ZDHHC23: variants seen among roughly 807,000 people sequenced by gnomAD.
The protein encoded by ZDHHC23 is zDHHC palmitoyltransferase 23, also known as palmitoyltransferase ZDHHC23.
A neutral mutation model predicts 40.2 loss-of-function variants in ZDHHC23; 41 were observed. The observed-to-expected ratio is 1.02, with a 90% CI of 0.79 to 1.32. ZDHHC23 has a LOEUF of 1.32. Among genes scored for constraint, ZDHHC23 ranks in the 40% most tolerant of loss-of-function variants. The probability of loss-of-function intolerance (pLI) is 0.00; values close to 1 mark genes in which losing one functional copy is unlikely to be tolerated. For synonymous variants in ZDHHC23, 204 were observed against 210.2 expected (o/e 0.97, Z 0.26); for missense variants, 471 against 541.5 (o/e 0.87, Z 1.29).
intron 2 of ZDHHC23, among the ~76,000 whole-genome samples, chr3:113,951,969 C>T (rs1938712014): frequency 6.6e-6 from 1 of 152,112 alleles, no homozygotes; most frequent in African/African-American, 2.4e-5. Flanking sequence ...GAAACCCCGT[C>T]TCTACTAAAA....
At chr3:113,965,363 T>C (rs377718669), downstream of ZDHHC23, 59 of 1,546,410 alleles carry the variant, frequency 3.8e-5, no homozygotes, top group Non-Finnish European at 5.0e-5. Context: ...GATCCTCCTT[T>C]AAGAATAAAG....
rs762376186 is a variant in ZDHHC23 at position 113,953,801 on chromosome 3, T to C, written c.263T>C (p.Val88Ala). 6.2e-7 allele frequency: 1 copy of C among 1,614,216 alleles called. No homozygotes were observed. The highest frequency in any genetic ancestry group is 1.1e-5 in the South Asian group (1 of 91,086). ...CCTTGGCTTAGGGGAGCCAAAAAAG[T>C]GAACATCAGCATCATCCCTCCGCTT... The part of the protein sequence containing the change: ...RIPWLRGAKK[V>A]NISIIPPLVL... The change falls in exon 3 of 5, where the codon GTG (valine) becomes GCG (alanine). Residue 88 changes from valine to alanine, a missense_variant. Physicochemically the swap from Val to Ala is moderately conservative, Grantham distance 64. Transcript: ENST00000638807.
At position 113,957,923 on chromosome 3, in the gene ZDHHC23, T is replaced by C. The variant is rs148245576; in HGVS notation, c.1041-440T>C. 2.5e-3 allele frequency: 1,135 copies of C among 462,012 alleles called. 11 individuals carry two copies. The highest frequency in any genetic ancestry group is 0.02 in the African/African-American group (992 of 49,732). 28.6% of individuals were successfully genotyped at this position (462,012 alleles called of 1,614,324 possible). On this transcript the variant is annotated intron_variant, in intron 4 of 4. Coordinates refer to ENST00000638807, the MANE Select transcript of ZDHHC23 (RefSeq NM_001320466.2). ...TTCCTCAGCATTGGACTGGAAAGAA[T>C]GGAGATTAGTAACTTTAGCACTGTT...
the ZDHHC23 span, among the ~76,000 whole-genome samples, chr3:113,975,556 A>G: frequency 1.3e-5 from 2 of 152,222 alleles, no homozygotes; most frequent in African/African-American, 4.8e-5. Flanking sequence ...GAACACAGTA[A>G]TGAGCAAGAT....
chr3:113,957,709 C>T (rs549833847), intron 4 of ZDHHC23: 27 of 517,218 alleles, frequency 5.2e-5, no homozygotes, highest in Non-Finnish European at 4.2e-5. Flanking sequence ...TCTTAATTTG[C>T]GAATGTTGGA....
rs942540318 is a variant in ZDHHC23, at chr3:113,959,946, G to C, written c.*1316G>C. 2.6e-5 allele frequency: 26 copies of C among 994,698 alleles called. No homozygotes were observed. Among genetic ancestry groups the C allele is most frequent in the Non-Finnish European group, 3.1e-5 (26 of 833,080 alleles). The allele number at this position is 994,698 out of a possible 1,614,324, so 61.6% of individuals were successfully genotyped here. ...AAAGATTAAATATTTATGTACAATG[G>C]GTTGTTCTACTATAGAATTAAGATG... is the stretch of plus-strand genomic sequence containing the variant. On this transcript the variant is annotated 3_prime_UTR_variant, in exon 5 of 5. Transcript: ENST00000638807.
intron 4 of ZDHHC23, chr3:113,957,600 G>A (rs1455145191): frequency 2.3e-6 from 1 of 438,074 alleles, no homozygotes; most frequent in Non-Finnish European, 4.6e-6. Context: ...GCGATTCACA[G>A]CACCTCATCT....
chr3:113,964,826 A>C (rs1251455551), downstream of ZDHHC23: 2 of 165,836 alleles, frequency 1.2e-5, no homozygotes, highest in Non-Finnish European at 2.6e-5. Flanking sequence ...CTGTCGTGCT[A>C]TACGGACACA....
rs757239182 is a variant in ZDHHC23, at chr3:113,953,873, TG to T, written c.340del (p.Val114TrpfsTer4). 14 of 1,614,038 alleles carry T rather than the reference TG, an allele frequency of 8.7e-6. No individual in the cohort carries two copies. The highest frequency in any genetic ancestry group is 1.3e-5 in the African/African-American group (1 of 74,922). On this transcript the variant is annotated frameshift_variant, in exon 3 of 5. Coordinates refer to ENST00000638807, the MANE Select transcript of ZDHHC23 (RefSeq NM_001320466.2). LOFTEE classifies it high-confidence loss of function. ...CATGTGGCTTCCTGGCATTTCCTCC[TG>T]GGGGTGGTGGTTTTGACCTCCCTTC... ...FLHVASWHFL[L>X]GVVVLTSLPV...
intron 3 of ZDHHC23, among the ~76,000 whole-genome samples, chr3:113,955,260 A>G (rs1008829833): frequency 3.9e-5 from 6 of 152,132 alleles, no homozygotes; most frequent in African/African-American, 1.5e-4. Flanking sequence ...CCTCAAGTGC[A>G]TGGCTCAAGT....
Position 113,954,263 on chromosome 3 carries a change from C to A in ZDHHC23, c.725C>A (p.Pro242His). Residue 242 changes from proline (P) to histidine (H), a missense_variant, in exon 3 of 5, where the codon CCC becomes CAC. Pro to His is a moderately conservative substitution (Grantham distance 77, BLOSUM62 -2). This residue lies in a region of ZDHHC23 where 346 missense variants were observed against 399.8 expected (regional missense o/e 0.87). Coordinates refer to ENST00000638807, the MANE Select transcript of ZDHHC23 (RefSeq NM_001320466.2). ...SLNNRTTKDDPKGSSKMPAGS... is the reference protein window; with the variant it reads ...SLNNRTTKDDHKGSSKMPAGS... ...AACAATCGCACAACAAAGGATGACC[C>A]CAAGGGCTCTTCCAAGATGCCAGCT... 1.2e-6 allele frequency: 2 copies of A among 1,614,106 alleles called. No individual in the cohort carries two copies. The highest frequency in any genetic ancestry group is 1.7e-6 in the Non-Finnish European group (2 of 1,179,996).
At position 113,955,359 on chromosome 3, in the gene ZDHHC23, C is replaced by CGTGT. The variant is rs68123933; in HGVS notation, c.873-950_873-947dup. Among the ~76,000 whole-genome samples, 507 of 147,510 alleles carry CGTGT rather than the reference C, an allele frequency of 3.4e-3. 4 individuals carry two copies. The highest frequency in any genetic ancestry group is 0.01 in the Middle Eastern group (3 of 290). ...TTCTACTTCTGTGTCTTCACTTATT[C>CGTGT]GTGTGTGTGTGTGTGTGTGTGTGTG... is the stretch of plus-strand genomic sequence containing the variant. On this transcript the variant is annotated intron_variant, in intron 3 of 4. Coordinates refer to ENST00000638807, the MANE Select transcript of ZDHHC23 (RefSeq NM_001320466.2).
chr3:113,965,070 T>G (rs963663133), downstream of ZDHHC23: 18 of 670,526 alleles, frequency 2.7e-5, no homozygotes, highest in Non-Finnish European at 4.4e-5. Context: ...AAACCAGGTG[T>G]ATGTATGTAT....
In ZDHHC23 at chr3:113,956,473, T is replaced by C. The variant is rs760051161; in HGVS notation, c.1007T>C (p.Leu336Pro). 8.7e-6 allele frequency: 14 copies of C among 1,614,092 alleles called. No homozygotes were observed. Among genetic ancestry groups the C allele is most frequent in the Admixed American group, 1.7e-5 (1 of 60,004 alleles). Reference protein sequence around the residue: ...ICRDRSVFTALFYCPGVYANY... With the variant: ...ICRDRSVFTAPFYCPGVYANY... ...AGAGACAGAAGTGTCTTCACAGCTCTTTTCTATTGTCCTGGAGTTTATGCA... is the reference window on the plus strand; with the variant it reads ...AGAGACAGAAGTGTCTTCACAGCTCCTTTCTATTGTCCTGGAGTTTATGCA... Residue 336 changes from leucine (L) to proline (P), a missense_variant, in exon 4 of 5, where the codon CTT becomes CCT. Physicochemically the swap from Leu to Pro is moderately conservative, Grantham distance 98. Transcript: ENST00000638807.
chr3:113,974,302 G>A, the ZDHHC23 span, among the ~76,000 whole-genome samples: 1 of 150,886 alleles, frequency 6.6e-6, no homozygotes, highest in African/African-American at 2.4e-5. Context: ...GGAAGGTCAT[G>A]GTTCCCCATT....
rs1308120197 is a variant in ZDHHC23 at position 113,948,941 on chromosome 3, G to T, written c.139G>T (p.Asp47Tyr). 6.2e-7 allele frequency: 1 copy of T among 1,614,212 alleles called. No individual in the cohort carries two copies. The highest frequency in any genetic ancestry group is 2.2e-5 in the East Asian group (1 of 44,886). ...HVATCLCDCQ[D>Y]LDEGCDRWIT... ...GGCTACTTGTTTGTGTGATTGTCAA[G>T]ATCTGGATGAAGGGTGTGATCGGTA... The change falls in exon 2 of 5, where the codon GAT becomes TAT. Residue 47 changes from aspartate (D) to tyrosine (Y), a missense_variant. Around this residue, in one of 3 missense-constraint regions of ZDHHC23, gnomAD observed 83 missense variants for 67.8 expected, o/e 1.22. Transcript: ENST00000638807.
At chr3:113,956,616 G>C in intron 4 of ZDHHC23, 110 bp downstream of exon 4, 4 of 1,166,824 alleles carry the variant, frequency 3.4e-6, no homozygotes, top group Non-Finnish European at 4.7e-6. Flanking sequence ...CATAGGCCAG[G>C]CTATGGAAAT....
In ZDHHC23 at chr3:113,960,828, C is replaced by A; in HGVS notation, c.*2198C>A. On this transcript the variant is annotated 3_prime_UTR_variant, in exon 5 of 5. Transcript: ENST00000638807. ...TACTTGTTTTAAGTTCCTTGAGAACCCATGATGGACAGTTGACAGAATGCT... is the reference window on the plus strand; with the variant it reads ...TACTTGTTTTAAGTTCCTTGAGAACACATGATGGACAGTTGACAGAATGCT... The A allele has an allele frequency of 2.0e-6, 3 of 1,483,550 alleles. No homozygotes were observed. Among genetic ancestry groups the A allele is most frequent in the Non-Finnish European group, 1.8e-6 (2 of 1,120,408 alleles). 91.9% of individuals were successfully genotyped at this position (1,483,550 alleles called of 1,614,324 possible).
Position 113,958,497 on chromosome 3 carries a change from A to G in ZDHHC23, c.1175A>G (p.Lys392Arg). ...GAAGTCCAGCAGGCCCTCCGACAGA[A>G]GACTGGGCGCCGGCTCCTCTGCGGG... ...EREVQQALRQ[K>R]TGRRLLCGLI... Residue 392 changes from lysine (K) to arginine (R), a missense_variant, in exon 5 of 5, where the codon AAG (lysine) becomes AGG (arginine). Lys to Arg is a conservative substitution (Grantham distance 26). This residue lies in a region of ZDHHC23 where 346 missense variants were observed against 399.8 expected (regional missense o/e 0.87). Coordinates refer to ENST00000638807, the MANE Select transcript of ZDHHC23 (RefSeq NM_001320466.2). The G allele has an allele frequency of 6.2e-7, 1 of 1,614,080 alleles. No individual in the cohort carries two copies. The highest frequency in any genetic ancestry group is 1.1e-5 in the South Asian group (1 of 91,088).
Sources: allele counts gnomAD v4.1 joint callset (sites outside exome capture counted in the v4.1 genomes callset), GRCh38; gene constraint gnomAD v4.1.1; regional missense constraint gnomAD v4.1.1; transcripts MANE v1.5; gene names NCBI Gene and HGNC (gene_info 2026-07-23, HGNC 2026-07-21).